Variants in CDH13 observed in about 807,000 individuals in gnomAD.
CDH13 encodes cadherin 13.
In CDH13, 24 loss-of-function variants were observed where a neutral mutation model predicts 63.8. The ratio of observed to expected loss-of-function variants is 0.38; its 90% CI spans 0.27 to 0.53. The LOEUF is 0.53. Among genes scored for constraint, CDH13 ranks in the 20% least tolerant of loss-of-function variants. The probability of loss-of-function intolerance (pLI) is 0.85; values close to 1 mark genes in which losing one functional copy is unlikely to be tolerated. For missense variants in CDH13, 1,049 were observed against 903.1 expected, an observed-to-expected ratio of 1.16 and a Z score of -2.07; for synonymous variants, 503 against 355.3, an observed-to-expected ratio of 1.42 and a Z score of -4.67.
At chr16:83,561,934 A>G (rs920647958) in intron 7 of CDH13, among the ~76,000 whole-genome samples, 3 of 152,196 alleles carry the variant, frequency 2.0e-5, no homozygotes, top group Non-Finnish European at 4.4e-5. Flanking sequence ...TGGGAGGTGA[A>G]TGATAAAAAT....
At chr16:83,324,298 G>T in intron 5 of CDH13, among the ~76,000 whole-genome samples, 1 of 152,314 alleles carries the variant, frequency 6.6e-6, no homozygotes, top group African/African-American at 2.4e-5. Flanking sequence ...GCCTTGCAAA[G>T]TGCTGGGATT....
chr16:83,014,878 A>ATATT (rs1567746180), intron 2 of CDH13, among the ~76,000 whole-genome samples: 4 of 137,308 alleles, frequency 2.9e-5, no homozygotes, highest in African/African-American at 5.4e-5. Flanking sequence ...GTATATATAT[A>ATATT]TGTTTGTGTA....
intron 3 of CDH13, among the ~76,000 whole-genome samples, chr16:83,090,272 G>A (rs907077509): frequency 6.6e-6 from 1 of 152,102 alleles, no homozygotes; most frequent in Admixed American, 6.5e-5. Context: ...CCCCTATAGA[G>A]ATGCCAAGCC....
At chr16:83,126,080 T>C (rs1251390334) in intron 4 of CDH13, among the ~76,000 whole-genome samples, 2 of 152,192 alleles carry the variant, frequency 1.3e-5, no homozygotes, top group Admixed American at 1.3e-4. Context: ...CTCCCCTCTT[T>C]AAGAGAGTCA....
chr16:83,506,582 C>A (rs1232897616), intron 7 of CDH13, among the ~76,000 whole-genome samples: 2 of 152,212 alleles, frequency 1.3e-5, no homozygotes, highest in Non-Finnish European at 2.9e-5. Context: ...AGCCAGCCCC[C>A]AGGAGGGCTC....
intron 5 of CDH13, among the ~76,000 whole-genome samples, chr16:83,333,517 G>A (rs1364298): frequency 0.56 from 85,609 of 151,900 alleles, 24,184 homozygotes; most frequent in Middle Eastern, 0.63. Flanking sequence ...GACCTGTGAC[G>A]AGGCTGTGGC....
intron 6 of CDH13, among the ~76,000 whole-genome samples, chr16:83,471,767 C>T (rs767172978): frequency 6.6e-6 from 1 of 152,126 alleles, no homozygotes; most frequent in Non-Finnish European, 1.5e-5. Flanking sequence ...GCCTAAATAC[C>T]CAGCTTCTTA....
chr16:83,319,230 A>G (rs972772296), intron 5 of CDH13, among the ~76,000 whole-genome samples: 6 of 152,150 alleles, frequency 3.9e-5, no homozygotes, highest in Non-Finnish European at 1.5e-5. Context: ...TAATGTAATA[A>G]TTTCTGTTGT....
At chr16:83,520,419 C>G (rs369261159) in intron 7 of CDH13, among the ~76,000 whole-genome samples, 1 of 152,138 alleles carries the variant, frequency 6.6e-6, no homozygotes. Context: ...GGAATGTTCT[C>G]TCAGTCTGGG....
chr16:83,789,936 T>C (rs13334538), intron 13 of CDH13: 19,393 of 150,750 alleles, frequency 0.13, 2,046 homozygotes, highest in African/African-American at 0.3. Context: ...GCCGAAAATA[T>C]TAACTCTCTG....
At chr16:83,302,193 A>T (rs2089764527) in intron 5 of CDH13, among the ~76,000 whole-genome samples, 1 of 152,186 alleles carries the variant, frequency 6.6e-6, no homozygotes, top group South Asian at 2.1e-4. Context: ...CATCATAGAA[A>T]ATGTGCCTAA....
intron 3 of CDH13, among the ~76,000 whole-genome samples, chr16:83,043,526 T>C (rs1275750000): frequency 4.6e-5 from 7 of 150,556 alleles, no homozygotes. Context: ...TGTGTGTGTG[T>C]GTATGTATAA....
chr16:83,446,666 C>G (rs983727083), intron 6 of CDH13, among the ~76,000 whole-genome samples: 7 of 152,050 alleles, frequency 4.6e-5, no homozygotes, highest in Admixed American at 4.6e-4. Flanking sequence ...GGAACGAGCT[C>G]CAGATAGGAA....
intron 11 of CDH13, among the ~76,000 whole-genome samples, chr16:83,767,745 C>T (rs938083509): frequency 1.3e-5 from 2 of 151,982 alleles, no homozygotes; most frequent in African/African-American, 4.8e-5. Flanking sequence ...GAATCCAGAC[C>T]CAAAAAACTA....
chr16:82,755,642 A>T (rs537651800), intron 1 of CDH13, among the ~76,000 whole-genome samples: 18 of 152,170 alleles, frequency 1.2e-4, no homozygotes, highest in Non-Finnish European at 2.4e-4. Flanking sequence ...GTATTCATTC[A>T]ATTATTCTTT....
chr16:82,789,706 G>C (rs1390977147), intron 1 of CDH13, among the ~76,000 whole-genome samples: 1 of 152,220 alleles, frequency 6.6e-6, no homozygotes, highest in East Asian at 1.9e-4. Context: ...AAACAGGGCT[G>C]TGCTGCTATT....
intron 1 of CDH13, among the ~76,000 whole-genome samples, chr16:82,766,177 G>A (rs1055752938): frequency 2.2e-4 from 34 of 152,206 alleles, no homozygotes; most frequent in African/African-American, 7.7e-4. Flanking sequence ...TCTTCTTTAG[G>A]CTTCTGCTAA....
intron 3 of CDH13, among the ~76,000 whole-genome samples, chr16:83,082,871 C>A (rs1047586626): frequency 1.3e-5 from 2 of 152,104 alleles, no homozygotes; most frequent in African/African-American, 4.8e-5. Context: ...TTAACAGCAA[C>A]AGTGAATTCG....
At chr16:83,750,502 A>G (rs75139154) in intron 11 of CDH13, among the ~76,000 whole-genome samples, 19,420 of 152,106 alleles carry the variant, frequency 0.13, 1,389 homozygotes, top group Admixed American at 0.21. Context: ...CTGGTTCCAT[A>G]GCATGTACCT....
Sources: gnomAD v4.1 joint callset for allele counts (sites outside exome capture counted in the v4.1 genomes callset) on GRCh38, gnomAD v4.1.1 for gene constraint, MANE v1.5 for transcripts, NCBI Gene and HGNC (gene_info 2026-07-23, HGNC 2026-07-21) for gene names.